Variants in PCDHA1 observed in about 807,000 individuals in gnomAD.
The protein encoded by PCDHA1 is protocadherin alpha 1, also known as protocadherin alpha-1.
Under a neutral mutation model 61.3 loss-of-function variants are expected in PCDHA1, and 42 were observed. The observed-to-expected ratio is 0.69, with a 90% CI of 0.54 to 0.89. The LOEUF is 0.89. PCDHA1 is among the 40% of genes least tolerant of loss of function. The pLI is 0.00. For missense variants in PCDHA1, 1,256 were observed against 1,235.3 expected (o/e 1.02, Z -0.25); for synonymous variants, 610 against 553.8 (o/e 1.10, Z -1.43).
chr5:140,869,346 T>C (rs781810947), intron 1 of PCDHA1: 4 of 1,614,054 alleles, frequency 2.5e-6, no homozygotes, highest in Non-Finnish European at 2.5e-6. Context: ...ATCTGCAGAA[T>C]GGCATTTTGT....
chr5:140,881,398 A>G, intron 1 of PCDHA1: 1 of 975,546 alleles, frequency 1.0e-6, no homozygotes, highest in Non-Finnish European at 1.2e-6. Context: ...GTTAAATTCT[A>G]TTAAATCAAT....
chr5:140,788,144 G>A lies in PCDHA1; in HGVS notation c.1854G>A (p.Ala618=), dbSNP rs543937372. 2.5e-6 allele frequency: 4 copies of A among 1,613,850 alleles called. No individual in the cohort carries two copies. The highest frequency in any genetic ancestry group is 2.5e-6 in the Non-Finnish European group (3 of 1,179,918). The change falls in exon 1 of 4, where the codon GCG becomes GCA. Residue 618 remains alanine (A), a synonymous_variant. Coordinates refer to ENST00000504120, the MANE Select transcript of PCDHA1 (RefSeq NM_018900.4). ...AACTGCAGCCGGCAGCAGGCGGCGCGCGCATCCCGTTCCGCGTGGGGCTGT... is the reference window on the plus strand; with the variant it reads ...AACTGCAGCCGGCAGCAGGCGGCGCACGCATCCCGTTCCGCGTGGGGCTGT... ...SYELQPAAGG[A]RIPFRVGLYT...
At chr5:140,967,785 G>A (rs1554229943) in intron 1 of PCDHA1, 6 of 1,614,176 alleles carry the variant, frequency 3.7e-6, no homozygotes, top group Admixed American at 3.3e-5. Context: ...GCGACTGACC[G>A]GGGTCCAGTG....
At chr5:140,981,001 C>A (rs2096914160) in intron 2 of PCDHA1, among the ~76,000 whole-genome samples, 1 of 151,906 alleles carries the variant, frequency 6.6e-6, no homozygotes, top group Non-Finnish European at 1.5e-5. Flanking sequence ...CTAGTAGGAT[C>A]CAGGAACACT....
intron 1 of PCDHA1, chr5:140,821,666 A>C: frequency 1.6e-6 from 2 of 1,238,068 alleles, no homozygotes; most frequent in South Asian, 1.6e-5. Context: ...CTGTGCCAAG[A>C]AGCTCAGAAA....
At chr5:140,871,197 C>T (rs1554165260) in intron 1 of PCDHA1, 1 of 1,613,664 alleles carries the variant, frequency 6.2e-7, no homozygotes, top group Admixed American at 1.7e-5. Flanking sequence ...TCAACGTGTA[C>T]CTGATCATCG....
At chr5:140,998,196 C>T (rs960565673) in intron 3 of PCDHA1, among the ~76,000 whole-genome samples, 2 of 152,164 alleles carry the variant, frequency 1.3e-5, no homozygotes, top group African/African-American at 4.8e-5. Flanking sequence ...CAAGTATTAA[C>T]TCCTTTAATC....
At chr5:140,790,060 T>G (rs1554118490) in intron 1 of PCDHA1, among the ~76,000 whole-genome samples, 1 of 152,132 alleles carries the variant, frequency 6.6e-6, no homozygotes, top group African/African-American at 2.4e-5. Context: ...TTCCTGTAAG[T>G]CAATATAGAA....
Position 140,982,348 on chromosome 5 carries a change from T to C in PCDHA1, c.2454-127T>C, listed in dbSNP as rs1253085859. 9 of 1,495,962 alleles carry C rather than the reference T, an allele frequency of 6.0e-6. No homozygotes were observed. The Admixed American group carries it at 1.7e-4, about 28-fold the overall frequency. 92.7% of individuals were successfully genotyped at this position (1,495,962 alleles called of 1,614,324 possible). On this transcript the variant is annotated intron_variant, in intron 2 of 3. Transcript: ENST00000504120. Reference sequence around the variant, plus strand: ...ACTGCTCAGCAGTAATTGCTTCAGTTCAAGCATGAGCAGAATGTGTTAGCT... The same window carrying C: ...ACTGCTCAGCAGTAATTGCTTCAGTCCAAGCATGAGCAGAATGTGTTAGCT...
intron 1 of PCDHA1, chr5:140,875,319 A>T: frequency 7.0e-7 from 1 of 1,428,968 alleles, no homozygotes; most frequent in South Asian, 1.6e-5. Context: ...CATTCCAATC[A>T]TTCACGGAAT....
At position 140,788,519 on chromosome 5, in the gene PCDHA1, C is replaced by G. The variant is rs146740259; in HGVS notation, c.2229C>G (p.Ser743Arg). 6.2e-7 allele frequency: 1 copy of G among 1,614,074 alleles called. No individual in the cohort carries two copies. Among genetic ancestry groups the G allele is most frequent in the Non-Finnish European group, 8.5e-7 (1 of 1,179,940 alleles). Residue 743 changes from serine to arginine, a missense_variant, in exon 1 of 4, where the codon AGC (serine) becomes AGG (arginine). Transcript: ENST00000504120. The stretch of plus-strand genomic sequence containing the variant: ...GCAAGCCCACTCTGGTGTGCTCCAG[C>G]GCGTTGGGGAGCTGGTCGAACTCAC... ...VPGKPTLVCSSALGSWSNSQQ... is the reference protein window; with the variant it reads ...VPGKPTLVCSRALGSWSNSQQ...
chr5:140,823,265 G>C (rs2150124128), intron 1 of PCDHA1: 1 of 1,612,922 alleles, frequency 6.2e-7, no homozygotes, highest in Admixed American at 1.7e-5. Flanking sequence ...GTGGAGCGGC[G>C]GGTGGGCGAG....
intron 1 of PCDHA1, among the ~76,000 whole-genome samples, chr5:140,789,267 T>C (rs1414269003): frequency 2.6e-5 from 4 of 152,148 alleles, no homozygotes; most frequent in African/African-American, 9.7e-5. Flanking sequence ...CTGGACAACA[T>C]GGTGAAACCC....
chr5:140,832,332 T>C (rs2150201022), intron 1 of PCDHA1, among the ~76,000 whole-genome samples: 5 of 152,348 alleles, frequency 3.3e-5, no homozygotes, highest in South Asian at 2.1e-4. Context: ...ATTAGAGGAC[T>C]GAGTTGTGGT....
chr5:140,828,324 A>G (rs2150154033), intron 1 of PCDHA1: 15 of 1,614,076 alleles, frequency 9.3e-6, no homozygotes, highest in African/African-American at 1.3e-5. Context: ...CTGGAGGTAA[A>G]TCTGCAGAAT....
At chr5:140,847,610 C>T (rs1047587407) in intron 1 of PCDHA1, 3 of 149,370 alleles carry the variant, frequency 2.0e-5, no homozygotes, top group African/African-American at 7.4e-5. Context: ...ATTGTAATAA[C>T]ATTACACAAA....
intron 1 of PCDHA1, among the ~76,000 whole-genome samples, chr5:140,892,021 G>A (rs2063355611): frequency 6.6e-6 from 1 of 152,160 alleles, no homozygotes; most frequent in Admixed American, 6.5e-5. Context: ...AGCACAAATG[G>A]TCTAAGATAC....
chr5:141,005,451 C>G (rs1263058026), intron 3 of PCDHA1, among the ~76,000 whole-genome samples: 1 of 151,986 alleles, frequency 6.6e-6, no homozygotes, highest in Non-Finnish European at 1.5e-5. Flanking sequence ...CGCCTGTAAT[C>G]CCAGCACTTT....
intron 3 of PCDHA1, among the ~76,000 whole-genome samples, chr5:140,996,819 C>T (rs1446677147): frequency 6.6e-6 from 1 of 152,142 alleles, no homozygotes; most frequent in East Asian, 1.9e-4. Context: ...CAAAAGTAAC[C>T]ACTACCAATA....
Sources: gnomAD v4.1 joint callset for allele counts (sites outside exome capture counted in the v4.1 genomes callset) on GRCh38, gnomAD v4.1.1 for gene constraint, MANE v1.5 for transcripts, NCBI Gene and HGNC (gene_info 2026-07-23, HGNC 2026-07-21) for gene names.